SLC12A7: variants seen among roughly 807,000 people sequenced by gnomAD.
The protein encoded by SLC12A7 is solute carrier family 12 member 7.
Under a neutral mutation model 120.6 loss-of-function variants are expected in SLC12A7, and 100 were observed. The ratio of observed to expected loss-of-function variants is 0.83; its 90% CI spans 0.71 to 0.98. The LOEUF (loss-of-function observed/expected upper bound fraction) is 0.98. SLC12A7 is among the 50% of genes least tolerant of loss of function. The probability of loss-of-function intolerance (pLI) is 0.00; values close to 1 mark genes in which losing one functional copy is unlikely to be tolerated. For missense variants in SLC12A7, 1,373 were observed against 1,548.1 expected (o/e 0.89, Z 1.90); for synonymous variants, 760 against 678.0 (o/e 1.12, Z -1.88).
intron 18 of SLC12A7, among the ~76,000 whole-genome samples, chr5:1,065,053 A>AG (rs1192619395): frequency 5.1e-5 from 3 of 58,364 alleles, no homozygotes. Flanking sequence ...GGGGAGGCAG[A>AG]GGGGGACAGT....
chr5:1,077,989 C>T lies in SLC12A7; in HGVS notation c.1473G>A (p.Gln491=). 2 of 1,578,766 alleles carry T rather than the reference C, an allele frequency of 1.3e-6. No homozygotes were observed. Among genetic ancestry groups the T allele is most frequent in the Non-Finnish European group, 1.7e-6 (2 of 1,163,440 alleles). Residue 491 remains glutamine (Q), a synonymous_variant, in exon 12 of 24, where the codon CAG becomes CAA. Coordinates refer to ENST00000264930, the MANE Select transcript of SLC12A7 (RefSeq NM_006598.3). ...VLRDKFGEAL[Q]GNLVIGMLAW... ...CCAGCATGCCGATGACCAGGTTCCC[C>T]TGCAGGGCCTCCCCGAACCTGCAGG...
the SLC12A7 span, among the ~76,000 whole-genome samples, chr5:1,149,106 GA>G: frequency 0.3 from 42,698 of 143,904 alleles, 6,433 homozygotes; most frequent in Non-Finnish European, 0.36. Context: ...CCTACACCCA[GA>G]AGGGGGACTG....
chr5:1,062,483 C>G (rs949399435), intron 20 of SLC12A7, among the ~76,000 whole-genome samples: 2 of 152,206 alleles, frequency 1.3e-5, no homozygotes, highest in African/African-American at 4.8e-5. Context: ...GTCACGCAGG[C>G]CTGCAGCCCT....
chr5:1,102,160 G>A (rs920919889), intron 1 of SLC12A7, among the ~76,000 whole-genome samples: 1 of 152,184 alleles, frequency 6.6e-6, no homozygotes, highest in African/African-American at 2.4e-5. Context: ...GGCTGCAGGT[G>A]GAAGGGCAAA....
At chr5:1,079,687 C>T (rs750542275) in intron 9 of SLC12A7, among the ~76,000 whole-genome samples, 191 bp from the exon 10 acceptor site, 9 of 152,176 alleles carry the variant, frequency 5.9e-5, no homozygotes, top group Non-Finnish European at 8.8e-5. Flanking sequence ...CCCAGGCACG[C>T]GGATGAGCAC....
In SLC12A7 at chr5:1,085,408, C is replaced by T. The variant is rs1561079212; in HGVS notation, c.741G>A (p.Met247Ile). 1.9e-6 allele frequency: 3 copies of T among 1,610,380 alleles called. No individual in the cohort carries two copies. The highest frequency in any genetic ancestry group is 1.1e-5 in the South Asian group (1 of 90,678). The change falls in exon 7 of 24, where the codon ATG becomes ATA. Residue 247 changes from methionine to isoleucine, a missense_variant. Physicochemically the swap from Met to Ile is conservative, Grantham distance 10. Transcript: ENST00000264930. ...AEAAGGEAAA[M>I]LHNMRVYGTC... ...TGCCGTACACACGCATGTTGTGCAGCATGGCGGCCGCCTCGCCACCTGCAG... is the reference window on the plus strand; with the variant it reads ...TGCCGTACACACGCATGTTGTGCAGTATGGCGGCCGCCTCGCCACCTGCAG...
chr5:1,118,862 C>T, the SLC12A7 span, among the ~76,000 whole-genome samples: 5 of 152,268 alleles, frequency 3.3e-5, no homozygotes, highest in South Asian at 1.0e-3. Flanking sequence ...GAGGTGTGGG[C>T]GTGTCTCGCT....
chr5:1,060,583 C>A, intron 20 of SLC12A7, 132 bp from the exon 21 acceptor site: 1 of 667,320 alleles, frequency 1.5e-6, no homozygotes, highest in Non-Finnish European at 2.6e-6. Context: ...CCCCACAGGC[C>A]CCCTCTGGCT....
intron 3 of SLC12A7, among the ~76,000 whole-genome samples, chr5:1,089,571 TAAAAA>T (rs35078056): frequency 8.9e-6 from 1 of 112,392 alleles, no homozygotes. Flanking sequence ...CCCATAAAGC[TAAAAA>T]AAAAAAAAAA....
intron 22 of SLC12A7, among the ~76,000 whole-genome samples, chr5:1,054,527 G>A (rs761996296): frequency 1.4e-4 from 21 of 152,236 alleles, no homozygotes; most frequent in Non-Finnish European, 2.8e-4. Context: ...GGGAGCACTT[G>A]CGTTTCTGTG....
At chr5:1,097,733 G>T (rs1245161960) in intron 1 of SLC12A7, among the ~76,000 whole-genome samples, 1 of 152,168 alleles carries the variant, frequency 6.6e-6, no homozygotes, top group Non-Finnish European at 1.5e-5. Flanking sequence ...GGTCCTCCCA[G>T]GTGGGGACTG....
chr5:1,104,010 G>A (rs765309081), intron 1 of SLC12A7, among the ~76,000 whole-genome samples: 27 of 152,328 alleles, frequency 1.8e-4, no homozygotes, highest in Admixed American at 5.9e-4. Flanking sequence ...GGCCCCCAGC[G>A]CACCTGCCAG....
chr5:1,073,501 C>T (rs1737938045), intron 17 of SLC12A7, 132 bp downstream of exon 17: 12 of 1,059,314 alleles, frequency 1.1e-5, no homozygotes, highest in African/African-American at 1.6e-5. Context: ...TCAAAGCCAC[C>T]GCCACGGCTA....
the SLC12A7 span, among the ~76,000 whole-genome samples, chr5:1,132,720 C>G: frequency 6.6e-6 from 1 of 152,176 alleles, no homozygotes; most frequent in African/African-American, 2.4e-5. Flanking sequence ...CCGGCCCCTC[C>G]TAAGAGGCGT....
the SLC12A7 span, among the ~76,000 whole-genome samples, chr5:1,148,448 A>G: frequency 1.3e-5 from 2 of 152,000 alleles, no homozygotes; most frequent in African/African-American, 4.8e-5. Context: ...CTTGTGATCC[A>G]CCTGCTTTGG....
upstream of SLC12A7, among the ~76,000 whole-genome samples, chr5:1,113,205 C>G (rs569112072): frequency 1.3e-5 from 2 of 152,344 alleles, no homozygotes; most frequent in East Asian, 3.9e-4. Flanking sequence ...AACTGCTGTA[C>G]GACAACAAAG....
the SLC12A7 span, among the ~76,000 whole-genome samples, chr5:1,123,915 A>G: frequency 6.6e-6 from 1 of 152,258 alleles, no homozygotes; most frequent in African/African-American, 2.4e-5. Flanking sequence ...TAATTGCCTC[A>G]TTGAAACCTT....
chr5:1,052,737 A>G (rs1561021738), intron 23 of SLC12A7, among the ~76,000 whole-genome samples: 1 of 152,174 alleles, frequency 6.6e-6, no homozygotes, highest in Non-Finnish European at 1.5e-5. Context: ...CCCGACAGGG[A>G]ACCCCAGCCA....
rs184094926 is a variant in SLC12A7 at position 1,100,358 on chromosome 5, G to A, written c.125-6110C>T. Among the ~76,000 whole-genome samples, 254 of 152,346 alleles carry A rather than the reference G, an allele frequency of 1.7e-3. 1 individual carries two copies. Among genetic ancestry groups the A allele is most frequent in the African/African-American group, 5.9e-3 (244 of 41,584 alleles). On this transcript the variant is annotated intron_variant, in intron 1 of 23. Transcript: ENST00000264930. Reference sequence around the variant, plus strand: ...TGGGAAAGAAGCCCATGTAAAGGCCGCCTGGCCCCTGGGCCACCCGCAGCC... The same window carrying A: ...TGGGAAAGAAGCCCATGTAAAGGCCACCTGGCCCCTGGGCCACCCGCAGCC...
Sources: allele counts gnomAD v4.1 joint callset (sites outside exome capture counted in the v4.1 genomes callset), GRCh38; gene constraint gnomAD v4.1.1; transcripts MANE v1.5; gene names NCBI Gene and HGNC (gene_info 2026-07-23, HGNC 2026-07-21).